Variants in GSE1 observed in about 807,000 individuals in gnomAD.
The protein encoded by GSE1 is Gse1 coiled-coil protein, also known as genetic suppressor element 1.
GSE1 carries 32 observed loss-of-function variants against 112.6 expected under a neutral mutation model. The observed-to-expected ratio is 0.28, with a 90% CI of 0.21 to 0.38. The LOEUF (loss-of-function observed/expected upper bound fraction) is 0.38. GSE1 is among the 10% of genes least tolerant of loss of function. GSE1 has a pLI of 1.00. For missense variants in GSE1, 2,348 were observed against 1,699.2 expected (o/e 1.38, Z -6.71); for synonymous variants, 1,115 against 735.6 (o/e 1.52, Z -8.35).
chr16:85,350,180 C>G (rs1486341457), intron 1 of GSE1, among the ~76,000 whole-genome samples: 1 of 152,202 alleles, frequency 6.6e-6, no homozygotes, highest in Non-Finnish European at 1.5e-5. Flanking sequence ...GCAGGGGTTA[C>G]TAGCCCACTT....
At chr16:85,500,176 A>G (rs2051312794) in intron 2 of GSE1, among the ~76,000 whole-genome samples, 2 of 152,224 alleles carry the variant, frequency 1.3e-5, no homozygotes, top group Admixed American at 6.5e-5. Flanking sequence ...CCAGGTGCAG[A>G]GCGAGGCCCG....
At chr16:85,541,495 G>A (rs1370943335) in intron 2 of GSE1, among the ~76,000 whole-genome samples, 1 of 152,226 alleles carries the variant, frequency 6.6e-6, no homozygotes, top group African/African-American at 2.4e-5. Context: ...TCTAAGTCCG[G>A]CTGGTGGGAA....
intron 1 of GSE1, among the ~76,000 whole-genome samples, chr16:85,204,109 T>C (rs897571015): frequency 4.6e-5 from 7 of 152,210 alleles, no homozygotes; most frequent in African/African-American, 1.7e-4. Flanking sequence ...TACCCATACC[T>C]GTTAAGCTGT....
exon 1 of GSE1, chr16:85,556,148 G>C (rs1376375449): frequency 1.8e-5 from 17 of 955,872 alleles, no homozygotes; most frequent in African/African-American, 6.0e-5. Context: ...CGGGGCGGGG[G>C]GGGGAAAGAC....
intron 1 of GSE1, among the ~76,000 whole-genome samples, chr16:85,317,106 TACTGAGCACCTGTTGTGTGCTGGGCAGGC>T (rs2046002069): frequency 6.6e-6 from 1 of 152,204 alleles, no homozygotes. Context: ...CATGAGCGTT[TACTGAGCACCTGTTGTGTGCTGGGCAGGC>T]ACCATGCCTG....
intron 2 of GSE1, among the ~76,000 whole-genome samples, chr16:85,550,238 C>T (rs934189585): frequency 1.3e-5 from 2 of 152,124 alleles, no homozygotes; most frequent in African/African-American, 2.4e-5. Flanking sequence ...AATGAACATG[C>T]ACTCTGGAGC....
intron 1 of GSE1, among the ~76,000 whole-genome samples, chr16:85,309,047 G>A (rs758605406): frequency 2.0e-5 from 3 of 151,312 alleles, no homozygotes; most frequent in East Asian, 1.9e-4. Context: ...AGGATGGGGC[G>A]GGGCCTGAGT....
chr16:85,339,622 A>T (rs1278017798), intron 1 of GSE1, among the ~76,000 whole-genome samples: 1 of 12,526 alleles, frequency 8.0e-5, no homozygotes, highest in African/African-American at 3.5e-4. Context: ...GCGGAGGGGG[A>T]GGGGGGCAGA....
Position 85,465,548 on chromosome 16 carries a change from AGCT to A in GSE1, c.2464+107909_2464+107911del, listed in dbSNP as rs571047782. On this transcript the variant is annotated intron_variant, in intron 2 of 2. Coordinates refer to the GSE1 transcript ENST00000637419. ...GCACACTGTCAGTGTCATAAATGTC[AGCT>A]GCTATTTTTTCTTCCACCTGGAAGT... Among the ~76,000 whole-genome samples, 6 of 152,228 alleles carry A rather than the reference AGCT, an allele frequency of 3.9e-5. No homozygotes were observed. In the East Asian group the frequency reaches 1.2e-3, roughly 29 times the overall value.
At chr16:85,256,975 T>G (rs972975975) in intron 1 of GSE1, among the ~76,000 whole-genome samples, 3 of 152,042 alleles carry the variant, frequency 2.0e-5, no homozygotes, top group Non-Finnish European at 4.4e-5. Context: ...GTCACGATAC[T>G]TTGTATTGGA....
At chr16:85,515,654 G>A (rs973848620) in intron 2 of GSE1, among the ~76,000 whole-genome samples, 1 of 151,858 alleles carries the variant, frequency 6.6e-6, no homozygotes, top group African/African-American at 2.4e-5. Context: ...CGTGGAGGGC[G>A]GGGGCTGGAG....
At chr16:85,403,453 T>C (rs1369218144) in intron 2 of GSE1, among the ~76,000 whole-genome samples, 2 of 151,964 alleles carry the variant, frequency 1.3e-5, no homozygotes, top group Admixed American at 1.3e-4. Context: ...TTGGTTAAGT[T>C]TGTTAATGAA....
At chr16:85,257,724 T>A (rs1319250497) in intron 1 of GSE1, among the ~76,000 whole-genome samples, 1 of 152,152 alleles carries the variant, frequency 6.6e-6, no homozygotes, top group Non-Finnish European at 1.5e-5. Flanking sequence ...GGTGAGAGAA[T>A]CACTTGAGCC....
intron 2 of GSE1, among the ~76,000 whole-genome samples, chr16:85,442,750 C>T (rs1259146662): frequency 4.6e-5 from 7 of 152,202 alleles, no homozygotes; most frequent in African/African-American, 1.4e-4. Context: ...CCTTAGCTCC[C>T]GTATTAGTGG....
intron 1 of GSE1, among the ~76,000 whole-genome samples, chr16:85,199,552 CGAAAAGAGACACGTTTCT>C (rs776156947): frequency 5.3e-5 from 8 of 152,196 alleles, no homozygotes; most frequent in Non-Finnish European, 1.0e-4. Context: ...GGCTTAGCTG[CGAAAAGAGACACGTTTCT>C]TCTCCAGGAG....
intron 1 of GSE1, 53 bp downstream of exon 1, chr16:85,613,451 C>T (rs2151557082): frequency 2.7e-6 from 4 of 1,477,546 alleles, no homozygotes; most frequent in Non-Finnish European, 2.7e-6. Flanking sequence ...CCCCCCACCG[C>T]ACTGTCCTCC....
At chr16:85,422,409 T>G (rs1597708432) in intron 2 of GSE1, among the ~76,000 whole-genome samples, 1 of 150,428 alleles carries the variant, frequency 6.6e-6, no homozygotes. Flanking sequence ...ATGAGGGATG[T>G]CGGTTCCTCC....
chr16:85,548,289 T>A (rs907947909), intron 2 of GSE1, among the ~76,000 whole-genome samples: 3 of 150,002 alleles, frequency 2.0e-5, no homozygotes, highest in Non-Finnish European at 3.0e-5. Flanking sequence ...TTATTCTAGC[T>A]ATTTTGAAGT....
chr16:85,454,353 G>A (rs749816181), intron 2 of GSE1, among the ~76,000 whole-genome samples: 1 of 152,240 alleles, frequency 6.6e-6, no homozygotes, highest in African/African-American at 2.4e-5. Flanking sequence ...CTACCCATGC[G>A]GCAGGGGAGC....
Sources: allele counts gnomAD v4.1 joint callset (sites outside exome capture counted in the v4.1 genomes callset), GRCh38; gene constraint gnomAD v4.1.1; transcripts MANE v1.5; gene names NCBI Gene and HGNC (gene_info 2026-07-23, HGNC 2026-07-21).